CADPS2: variants seen among roughly 807,000 people sequenced by gnomAD.
CADPS2 encodes calcium-dependent secretion activator 2.
A neutral mutation model predicts 172.5 loss-of-function variants in CADPS2; 93 were observed. That is an observed-to-expected ratio of 0.54 (90% confidence interval 0.46 to 0.64). CADPS2 has a LOEUF of 0.64. Among genes scored for constraint, CADPS2 ranks in the 30% least tolerant of loss-of-function variants. The pLI is 0.00. For synonymous variants in CADPS2, 546 were observed against 555.2 expected, an observed-to-expected ratio of 0.98 and a Z score of 0.23; for missense variants, 1,420 against 1,565.9, an observed-to-expected ratio of 0.91 and a Z score of 1.57.
intron 1 of CADPS2, among the ~76,000 whole-genome samples, chr7:122,796,464 A>G (rs1183065588): frequency 6.6e-6 from 1 of 152,218 alleles, no homozygotes; most frequent in East Asian, 1.9e-4. Context: ...ACTTCAAACT[A>G]TACTACAGGG....
chr7:122,862,369 G>C (rs1455574958), intron 1 of CADPS2, among the ~76,000 whole-genome samples: 5 of 152,082 alleles, frequency 3.3e-5, no homozygotes, highest in African/African-American at 1.2e-4. Context: ...CCCTTTTTGT[G>C]AAATGTCATC....
At chr7:122,816,682 C>T (rs1801517587) in intron 1 of CADPS2, among the ~76,000 whole-genome samples, 1 of 152,204 alleles carries the variant, frequency 6.6e-6, no homozygotes, top group African/African-American at 2.4e-5. Flanking sequence ...TTCTCCATGT[C>T]TTCGGCAGCA....
At chr7:122,702,721 C>T (rs764613031) in intron 2 of CADPS2, 27 of 1,608,912 alleles carry the variant, frequency 1.7e-5, no homozygotes, top group Admixed American at 1.0e-4. Flanking sequence ...CAGAACTATG[C>T]GTCGAAGGGG....
intron 9 of CADPS2, among the ~76,000 whole-genome samples, chr7:122,496,935 C>T (rs2130139912): frequency 6.6e-6 from 1 of 152,180 alleles, no homozygotes; most frequent in East Asian, 1.9e-4. Context: ...GATTATCTCT[C>T]TGTGGATTCT....
chr7:122,559,770 C>CAAAA, intron 7 of CADPS2, among the ~76,000 whole-genome samples: 1 of 85,148 alleles, frequency 1.2e-5, no homozygotes, highest in Non-Finnish European at 2.3e-5. Flanking sequence ...GACTCCACCT[C>CAAAA]AAAAAAAAAA....
At chr7:122,379,608 C>A in intron 24 of CADPS2, 166 bp from the exon 25 acceptor site, 1 of 570,720 alleles carries the variant, frequency 1.8e-6, no homozygotes. Context: ...CCAGTCAACA[C>A]TTTTTACATT....
intron 17 of CADPS2, among the ~76,000 whole-genome samples, chr7:122,416,987 G>A (rs371728806): frequency 5.9e-5 from 9 of 152,256 alleles, no homozygotes; most frequent in African/African-American, 9.6e-5. Flanking sequence ...AAATGTTGTC[G>A]GGGATTCATA....
chr7:122,790,456 G>T (rs982668238), intron 1 of CADPS2, among the ~76,000 whole-genome samples: 2 of 151,212 alleles, frequency 1.3e-5, no homozygotes, highest in Non-Finnish European at 2.9e-5. Context: ...CTTCAAATGG[G>T]ATTTTATTAA....
At chr7:122,839,035 A>G (rs1212755588) in intron 1 of CADPS2, among the ~76,000 whole-genome samples, 1 of 152,204 alleles carries the variant, frequency 6.6e-6, no homozygotes, top group East Asian at 1.9e-4. Context: ...ACCATACTAC[A>G]AGGCTACAGT....
intron 8 of CADPS2, among the ~76,000 whole-genome samples, chr7:122,523,435 G>C (rs1302516925): frequency 2.0e-5 from 3 of 151,960 alleles, no homozygotes; most frequent in African/African-American, 7.2e-5. Context: ...TTGCTAACTG[G>C]TCATTGGCAT....
chr7:122,702,731 G>C (rs745730099), intron 2 of CADPS2: 2 of 1,605,602 alleles, frequency 1.2e-6, no homozygotes. Flanking sequence ...CGTCGAAGGG[G>C]TAATTCTAAG....
At chr7:122,835,944 C>G (rs1254186002) in intron 1 of CADPS2, among the ~76,000 whole-genome samples, 2 of 152,070 alleles carry the variant, frequency 1.3e-5, no homozygotes, top group African/African-American at 4.8e-5. Context: ...CAAAGATACT[C>G]CTCGAGAAGA....
At chr7:122,499,917 A>C (rs1317495750) in intron 9 of CADPS2, among the ~76,000 whole-genome samples, 1 of 152,160 alleles carries the variant, frequency 6.6e-6, no homozygotes, top group Non-Finnish European at 1.5e-5. Flanking sequence ...CACCTGACAC[A>C]TCACCACATG....
At chr7:122,406,404 AG>A (rs1008986404) in intron 20 of CADPS2, among the ~76,000 whole-genome samples, 2 of 152,222 alleles carry the variant, frequency 1.3e-5, no homozygotes, top group African/African-American at 4.8e-5. Context: ...TAATAAAAAA[AG>A]TTCCAAATGT....
intron 2 of CADPS2, among the ~76,000 whole-genome samples, chr7:122,670,318 C>T (rs2081673207): frequency 6.6e-6 from 1 of 152,084 alleles, no homozygotes; most frequent in South Asian, 2.1e-4. Context: ...GTGGCTCATG[C>T]TGGTATCCTA....
At chr7:122,514,504 G>A (rs1323415004) in intron 8 of CADPS2, among the ~76,000 whole-genome samples, 1 of 151,878 alleles carries the variant, frequency 6.6e-6, no homozygotes, top group Admixed American at 6.6e-5. Flanking sequence ...TAGAAACAGT[G>A]ACATAGGGAG....
intron 3 of CADPS2, among the ~76,000 whole-genome samples, chr7:122,648,595 C>T (rs1036802440): frequency 2.0e-5 from 3 of 152,046 alleles, no homozygotes; most frequent in Admixed American, 6.6e-5. Context: ...AGAGAAGCCA[C>T]ATCATACTAT....
intron 1 of CADPS2, among the ~76,000 whole-genome samples, chr7:122,824,676 A>C (rs1804380493): frequency 6.6e-6 from 1 of 152,188 alleles, no homozygotes; most frequent in South Asian, 2.1e-4. Flanking sequence ...AATTTGTCAG[A>C]GTATTTTAAT....
chr7:122,428,690 A>C (rs1427957831), intron 17 of CADPS2, among the ~76,000 whole-genome samples: 1 of 151,968 alleles, frequency 6.6e-6, no homozygotes, highest in Non-Finnish European at 1.5e-5. Flanking sequence ...GCTGGTCTCG[A>C]ACTCCTGACC....
Sources: allele counts gnomAD v4.1 joint callset (sites outside exome capture counted in the v4.1 genomes callset), GRCh38; gene constraint gnomAD v4.1.1; transcripts MANE v1.5; gene names NCBI Gene and HGNC (gene_info 2026-07-23, HGNC 2026-07-21).